The following GDA variants were observed in gnomAD, a reference collection of about 807,000 sequenced individuals.
GDA encodes cytoplasmic PSD-95 interactor.
A neutral mutation model predicts 59.6 loss-of-function variants in GDA; 18 were observed. The ratio of observed to expected loss-of-function variants is 0.30; its 90% CI spans 0.21 to 0.45. The LOEUF (loss-of-function observed/expected upper bound fraction) is 0.45, where lower values mean the gene tolerates loss of function less well. Among genes scored for constraint, GDA ranks in the 20% least tolerant of loss-of-function variants. GDA has a pLI of 1.00. For missense variants in GDA, 427 were observed against 552.3 expected (o/e 0.77, Z 2.27); for synonymous variants, 201 against 201.1 (o/e 1.00, Z 0.00).
At chr9:72,189,937 T>C (rs1832329818) in intron 1 of GDA, among the ~76,000 whole-genome samples, 1 of 152,202 alleles carries the variant, frequency 6.6e-6, no homozygotes, top group Non-Finnish European at 1.5e-5. Flanking sequence ...TGAATGTTTG[T>C]TTTCTCTGAA....
intron 1 of GDA, among the ~76,000 whole-genome samples, chr9:72,142,989 G>A (rs1204417763): frequency 5.3e-5 from 8 of 151,514 alleles, no homozygotes; most frequent in Admixed American, 2.0e-4. Flanking sequence ...GGCTGGTCTC[G>A]AACTCCCGAC....
intron 1 of GDA, among the ~76,000 whole-genome samples, chr9:72,130,952 T>C (rs1301275290): frequency 4.6e-5 from 7 of 152,208 alleles, no homozygotes; most frequent in African/African-American, 1.7e-4. Flanking sequence ...ATGTACACCC[T>C]GGGATGTATA....
chr9:72,171,074 C>A (rs925685995), intron 1 of GDA, among the ~76,000 whole-genome samples: 1 of 152,206 alleles, frequency 6.6e-6, no homozygotes, highest in Non-Finnish European at 1.5e-5. Flanking sequence ...GCTTCAGCCT[C>A]CCAAAGTGCT....
At chr9:72,172,955 CT>C (rs1338717873) in intron 1 of GDA, among the ~76,000 whole-genome samples, 1 of 152,070 alleles carries the variant, frequency 6.6e-6, no homozygotes, top group Non-Finnish European at 1.5e-5. Flanking sequence ...GAAGGTTGTA[CT>C]TTAGTGGGGA....
intron 5 of GDA, among the ~76,000 whole-genome samples, chr9:72,217,057 T>C (rs1362179308): frequency 6.6e-6 from 1 of 152,214 alleles, no homozygotes; most frequent in Non-Finnish European, 1.5e-5. Context: ...TGATGGTGGT[T>C]GTAAAACGCA....
intron 11 of GDA, 115 bp downstream of exon 11, chr9:72,241,413 C>T: frequency 1.4e-6 from 1 of 729,130 alleles, no homozygotes; most frequent in Non-Finnish European, 2.2e-6. Flanking sequence ...TTGTGATGAT[C>T]ACATCTCATG....
intron 1 of GDA, among the ~76,000 whole-genome samples, chr9:72,189,841 GAAAAC>G (rs1197031118): frequency 6.6e-6 from 1 of 151,986 alleles, no homozygotes; most frequent in African/African-American, 2.4e-5. Flanking sequence ...GACCCCATCT[GAAAAC>G]AAAACAAAAA....
Position 72,245,177 on chromosome 9 carries a change from T to C in GDA, c.1165T>C (p.Phe389Leu). 1 of 1,613,826 alleles carries C rather than the reference T, an allele frequency of 6.2e-7. No homozygotes were observed. The highest frequency in any genetic ancestry group is 8.5e-7 in the Non-Finnish European group (1 of 1,179,728). ...ALGLDGEIGN[F>L]EVGKEFDAIL... The stretch of plus-strand genomic sequence containing the variant: ...GGGGCTGGATGGTGAGATTGGAAAC[T>C]TTGAAGTGGGCAAGGAATTTGATGC... The change falls in exon 12 of 14, where the codon TTT becomes CTT. Residue 389 changes from phenylalanine (F) to leucine (L), a missense_variant. Phe to Leu is a conservative substitution (Grantham distance 22, BLOSUM62 0). Transcript: ENST00000358399.
At chr9:72,229,649 G>A (rs779853257) in intron 9 of GDA, among the ~76,000 whole-genome samples, 3 of 152,146 alleles carry the variant, frequency 2.0e-5, no homozygotes, top group Non-Finnish European at 4.4e-5. Flanking sequence ...ACTTCTGGCC[G>A]TCCCCAAACA....
intron 10 of GDA, among the ~76,000 whole-genome samples, chr9:72,234,388 A>G (rs1387558954): frequency 1.3e-5 from 2 of 152,234 alleles, no homozygotes; most frequent in Admixed American, 1.3e-4. Context: ...TGAACATCTA[A>G]GTTATATATG....
At chr9:72,194,728 G>C (rs11143160) in intron 1 of GDA, among the ~76,000 whole-genome samples, 1 of 151,898 alleles carries the variant, frequency 6.6e-6, no homozygotes, top group Non-Finnish European at 1.5e-5. Flanking sequence ...ACCTAGACTG[G>C]CTTTTAAGTT....
At chr9:72,153,526 C>T (rs1353329133) in intron 1 of GDA, among the ~76,000 whole-genome samples, 2 of 150,728 alleles carry the variant, frequency 1.3e-5, no homozygotes, top group Non-Finnish European at 1.5e-5. Context: ...AAGACACATG[C>T]ACACGTATGT....
Position 72,249,109 on chromosome 9 carries a change from T to C in GDA, c.*767T>C. On this transcript the variant is annotated 3_prime_UTR_variant, in exon 14 of 14. Transcript: ENST00000358399. The stretch of plus-strand genomic sequence containing the variant: ...TGTAACTCCATGGCATAAATAGTTG[T>C]ATTTTTGTGTACTTTAAAATCAACT... 2 of 975,158 alleles carry C rather than the reference T, an allele frequency of 2.1e-6. No homozygotes were observed. Among genetic ancestry groups the C allele is most frequent in the East Asian group, 1.1e-4 (1 of 8,762 alleles). 60.4% of individuals were successfully genotyped at this position (975,158 alleles called of 1,614,324 possible). A position where few individuals can be genotyped will look rare whatever the true frequency, so the allele number is the denominator to read the frequency against.
intron 10 of GDA, among the ~76,000 whole-genome samples, chr9:72,232,527 C>A (rs1838471537): frequency 6.6e-6 from 1 of 151,968 alleles, no homozygotes; most frequent in Non-Finnish European, 1.5e-5. Flanking sequence ...ATTTTATGTT[C>A]ACAAAAAAGC....
In GDA at chr9:72,248,846, A is replaced by G. The variant is rs1010130977; in HGVS notation, c.*504A>G. ...TTGAAAATTATATACTGAGCATACT[A>G]ATTTAAAAAGAGAACTTGTTGAAAT... On this transcript the variant is annotated 3_prime_UTR_variant, in exon 14 of 14. Transcript: ENST00000358399. 3.2e-5 allele frequency: 31 copies of G among 983,146 alleles called. No homozygotes were observed. The highest frequency in any genetic ancestry group is 3.6e-5 in the Non-Finnish European group (30 of 827,442). The allele number at this position is 983,146 out of a possible 1,614,324, so 60.9% of individuals were successfully genotyped here.
At chr9:72,160,881 T>G (rs1828537459) in intron 1 of GDA, among the ~76,000 whole-genome samples, 1 of 152,140 alleles carries the variant, frequency 6.6e-6, no homozygotes, top group South Asian at 2.1e-4. Context: ...GATACACATT[T>G]CAAGACTAAA....
chr9:72,234,956 A>G (rs1207918313), intron 10 of GDA, among the ~76,000 whole-genome samples: 1 of 152,224 alleles, frequency 6.6e-6, no homozygotes, highest in Non-Finnish European at 1.5e-5. Flanking sequence ...CAAAATTCTC[A>G]GCTATACAAA....
At chr9:72,219,691 T>A (rs568580011) in intron 6 of GDA, among the ~76,000 whole-genome samples, 185 bp downstream of exon 6, 5 of 152,340 alleles carry the variant, frequency 3.3e-5, no homozygotes, top group South Asian at 2.1e-4. Flanking sequence ...CAGACATTTT[T>A]AAAAAATTAT....
At chr9:72,125,579 T>G (rs971575171) in intron 1 of GDA, among the ~76,000 whole-genome samples, 1 of 152,178 alleles carries the variant, frequency 6.6e-6, no homozygotes, top group African/African-American at 2.4e-5. Flanking sequence ...TACTTAGAAT[T>G]AAAAATGACG....
Sources: allele counts gnomAD v4.1 joint callset (sites outside exome capture counted in the v4.1 genomes callset), GRCh38; gene constraint gnomAD v4.1.1; transcripts MANE v1.5; gene names NCBI Gene and HGNC (gene_info 2026-07-23, HGNC 2026-07-21).